MAN2A1: variants seen among roughly 807,000 people sequenced by gnomAD.
MAN2A1 encodes the protein mannosidase alpha class 2A member 1.
MAN2A1 carries 76 observed loss-of-function variants against 142.6 expected under a neutral mutation model. That is an observed-to-expected ratio of 0.53 (90% CI 0.44 to 0.65). The LOEUF (loss-of-function observed/expected upper bound fraction) is 0.65. MAN2A1 is among the 30% of genes least tolerant of loss of function. The pLI, the probability that MAN2A1 is intolerant of heterozygous loss-of-function variation, is 0.00. For missense variants in MAN2A1, 1,311 were observed against 1,365.1 expected (o/e 0.96, Z 0.62); for synonymous variants, 559 against 473.2 (o/e 1.18, Z -2.35).
Position 109,819,876 on chromosome 5 carries a change from G to T in MAN2A1, c.2317G>T (p.Gly773Ter). Residue 773 changes from glycine (G) to a stop codon, truncating the protein, a stop_gained, in exon 14 of 22, where the codon GGA becomes TGA. Transcript: ENST00000261483. LOFTEE classifies it high-confidence loss of function. ...TGTTTTACTTCGGTTTGATCAAACT[G>T]GACTTATGAAGGTATGTTCTGAATA... is the stretch of plus-strand genomic sequence containing the variant. ...SFVLLRFDQT[G>*]LMKQMMTKED... is the part of the protein sequence containing the mutation. 6.3e-7 allele frequency: 1 copy of T among 1,585,936 alleles called. No individual in the cohort carries two copies. The highest frequency in any genetic ancestry group is 1.2e-5 in the South Asian group (1 of 86,452).
Position 109,865,163 on chromosome 5 carries a change from A to AT in MAN2A1, c.3282+22dup. The AT allele has an allele frequency of 6.4e-7, 1 of 1,568,008 alleles. No individual in the cohort carries two copies. Among genetic ancestry groups the AT allele is most frequent in the Non-Finnish European group, 8.8e-7 (1 of 1,138,212 alleles). ...CAGGGAAAGGTAAGTTGAAAAGGTT[A>AT]TTTTTGCTTACTGTTAGTGTGCTTT... is the stretch of plus-strand genomic sequence containing the variant. On this transcript the variant is annotated intron_variant, in intron 21 of 21. Transcript: ENST00000261483.
rs182961312 is a variant in MAN2A1 at position 109,783,943 on chromosome 5, G to A, written c.1578-801G>A. On this transcript the variant is annotated intron_variant, in intron 9 of 21. Transcript: ENST00000261483. The stretch of plus-strand genomic sequence containing the variant: ...TGTAGTAGTGTGATCCTAGTTCACT[G>A]CGGCCTCAAACTCTTGGGCTCAAGT... Among the ~76,000 whole-genome samples the A allele has an allele frequency of 1.1e-4, 16 of 151,880 alleles. 1 individual carries two copies. Among genetic ancestry groups the A allele is most frequent in the African/African-American group, 3.6e-4 (15 of 41,406 alleles).
intron 9 of MAN2A1, 72 bp downstream of exon 9, chr5:109,781,670 C>A: frequency 1.0e-6 from 1 of 994,126 alleles, no homozygotes; most frequent in Non-Finnish European, 1.5e-6. Context: ...TAGAGTTTTA[C>A]GTAATATACA....
chr5:109,802,878 C>T (rs1754068196), intron 12 of MAN2A1, among the ~76,000 whole-genome samples: 1 of 151,998 alleles, frequency 6.6e-6, no homozygotes, highest in African/African-American at 2.4e-5. Flanking sequence ...CTTGCATCTC[C>T]TAAAATAATG....
At chr5:109,730,885 T>C (rs6872974) in intron 4 of MAN2A1, among the ~76,000 whole-genome samples, 112,977 of 152,054 alleles carry the variant, frequency 0.74, 43,178 homozygotes, top group East Asian at 0.94. Context: ...CCTGCCTTCC[T>C]AAGATTGAAT....
chr5:109,852,191 TG>T (rs1464520929), intron 19 of MAN2A1, among the ~76,000 whole-genome samples: 1 of 152,010 alleles, frequency 6.6e-6, no homozygotes, highest in African/African-American at 2.4e-5. Flanking sequence ...CCAAAATGTG[TG>T]ATCTACAAAT....
intron 21 of MAN2A1, 81 bp from the exon 22 acceptor site, chr5:109,866,765 C>A: frequency 1.1e-6 from 1 of 891,570 alleles, no homozygotes; most frequent in Non-Finnish European, 1.7e-6. Flanking sequence ...CCTTCTCATA[C>A]TAATTTTCAC....
At chr5:109,826,589 C>T (rs774306909) in intron 16 of MAN2A1, among the ~76,000 whole-genome samples, 6 of 152,174 alleles carry the variant, frequency 3.9e-5, no homozygotes, top group Non-Finnish European at 7.3e-5. Context: ...AGAGTCTTTC[C>T]TTAGTAATCT....
chr5:109,765,429 T>C (rs1206149785), intron 5 of MAN2A1, among the ~76,000 whole-genome samples: 2 of 152,182 alleles, frequency 1.3e-5, no homozygotes, highest in African/African-American at 4.8e-5. Context: ...AGTAATGTGA[T>C]GTCCCATTGT....
At chr5:109,762,036 C>T (rs1436976793) in intron 5 of MAN2A1, among the ~76,000 whole-genome samples, 1 of 151,810 alleles carries the variant, frequency 6.6e-6, no homozygotes, top group Non-Finnish European at 1.5e-5. Context: ...AGGAGAAATC[C>T]TTCTGTACCC....
In MAN2A1 at chr5:109,729,477, A is replaced by T. The variant is rs753732946; in HGVS notation, c.671A>T (p.Asp224Val). 6.4e-7 allele frequency: 1 copy of T among 1,557,700 alleles called. No homozygotes were observed. The highest frequency in any genetic ancestry group is 1.2e-5 in the South Asian group (1 of 80,774). Residue 224 changes from aspartate (D) to valine (V), a missense_variant, in exon 4 of 22, where the codon GAT (aspartate) becomes GTT (valine). Transcript: ENST00000261483. ...SEISYLSKWW[D>V]IIDIQKKDAV... ...ATCTCTTACCTTTCAAAGTGGTGGG[A>T]TATTATAGATATTCAGAAGAAGGAT...
At chr5:109,732,503 G>C (rs1287870585) in intron 4 of MAN2A1, among the ~76,000 whole-genome samples, 1 of 152,046 alleles carries the variant, frequency 6.6e-6, no homozygotes, top group South Asian at 2.1e-4. Flanking sequence ...TAGGTCTAAC[G>C]TTTAAGTCTT....
intron 16 of MAN2A1, among the ~76,000 whole-genome samples, chr5:109,827,321 A>G (rs1754783836): frequency 6.6e-6 from 1 of 152,190 alleles, no homozygotes; most frequent in East Asian, 1.9e-4. Flanking sequence ...ATTTTTGTTA[A>G]ACCTTACAAA....
At chr5:109,765,108 G>A (rs1002950262) in intron 5 of MAN2A1, among the ~76,000 whole-genome samples, 14 of 152,086 alleles carry the variant, frequency 9.2e-5, no homozygotes, top group Admixed American at 7.9e-4. Flanking sequence ...GTAGTCCACA[G>A]GCTGTATTCA....
intron 4 of MAN2A1, among the ~76,000 whole-genome samples, chr5:109,736,214 C>T (rs547412165): frequency 6.6e-6 from 1 of 152,294 alleles, no homozygotes; most frequent in South Asian, 2.1e-4. Flanking sequence ...CAGACACACT[C>T]ACACAGTGCT....
intron 7 of MAN2A1, 52 bp from the exon 8 acceptor site, chr5:109,774,736 T>C (rs543543868): frequency 5.8e-6 from 8 of 1,387,042 alleles, no homozygotes; most frequent in Non-Finnish European, 8.0e-6. Context: ...ACATTCACTT[T>C]TTCTTAGTCA....
intron 5 of MAN2A1, among the ~76,000 whole-genome samples, chr5:109,762,377 G>GT (rs1182904022): frequency 6.6e-6 from 1 of 152,038 alleles, no homozygotes; most frequent in African/African-American, 2.4e-5. Context: ...CCTTTTGTCT[G>GT]TTTTTTGTTT....
In MAN2A1 at chr5:109,695,223, G is replaced by GT. The variant is rs199583247; in HGVS notation, c.135+4679dup. Among the ~76,000 whole-genome samples, 64 of 151,910 alleles carry GT rather than the reference G, an allele frequency of 4.2e-4. No homozygotes were observed. The East Asian group carries it at 5.6e-3, about 13-fold the overall frequency. ...GATAGTAGTTTATGTTTTGTTTTTT[G>GT]TTTTTTTTAAATTGAATTGGGTGTG... On this transcript the variant is annotated intron_variant, in intron 1 of 21. Coordinates refer to ENST00000261483, the MANE Select transcript of MAN2A1 (RefSeq NM_002372.4).
rs543926042 is a variant in MAN2A1, at chr5:109,716,023, A to G, written c.391-97A>G. 40 of 717,228 alleles carry G rather than the reference A, an allele frequency of 5.6e-5. 1 individual carries two copies. The East Asian group carries it at 1.1e-3, about 20-fold the overall frequency. 44.4% of individuals were successfully genotyped at this position (717,228 alleles called of 1,614,324 possible). A position where few individuals can be genotyped will look rare whatever the true frequency, so the allele number is the denominator to read the frequency against. On this transcript the variant is annotated intron_variant, in intron 2 of 21. Transcript: ENST00000261483. ...GAAATAGTTTTATTTTATAAAATAC[A>G]TATGCAGAGTATAGCAGTGAATAAT... is the stretch of plus-strand genomic sequence containing the variant.
Sources: allele counts gnomAD v4.1 joint callset (sites outside exome capture counted in the v4.1 genomes callset), GRCh38; gene constraint gnomAD v4.1.1; transcripts MANE v1.5; gene names NCBI Gene and HGNC (gene_info 2026-07-23, HGNC 2026-07-21).